Variants in ADD3 observed in about 807,000 individuals in gnomAD.
The protein encoded by ADD3 is adducin 3.
Under a neutral mutation model 80.2 loss-of-function variants are expected in ADD3, and 25 were observed. The ratio of observed to expected loss-of-function variants is 0.31; its 90% CI spans 0.23 to 0.44. The LOEUF is 0.44. ADD3 is among the 20% of genes least tolerant of loss of function. The pLI, the probability that ADD3 is intolerant of heterozygous loss-of-function variation, is 1.00. For synonymous variants in ADD3, 284 were observed against 289.6 expected (o/e 0.98, Z 0.20); for missense variants, 829 against 847.5 (o/e 0.98, Z 0.27).
At chr10:110,119,383 A>G (rs1851177924) in intron 7 of ADD3, 29 bp downstream of exon 7, 1 of 1,612,986 alleles carries the variant, frequency 6.2e-7, no homozygotes, top group African/African-American at 1.3e-5. Flanking sequence ...CTAAGGAGCT[A>G]TTTTTGTTGC....
intron 12 of ADD3, among the ~76,000 whole-genome samples, chr10:110,128,706 C>G (rs1852520538): frequency 6.6e-6 from 1 of 152,094 alleles, no homozygotes; most frequent in Non-Finnish European, 1.5e-5. Context: ...CGTGAGCCAC[C>G]ACGCCCAGCC....
chr10:110,040,486 T>C (rs1856175901), intron 1 of ADD3, among the ~76,000 whole-genome samples: 1 of 152,240 alleles, frequency 6.6e-6, no homozygotes, highest in African/African-American at 2.4e-5. Context: ...GAGTACTTAA[T>C]TGCATATTTA....
chr10:110,007,951 G>C (rs1325039332), upstream of ADD3: 1 of 150,858 alleles, frequency 6.6e-6, no homozygotes, highest in East Asian at 1.9e-4. Flanking sequence ...GCGGGACCAA[G>C]GGACGCTCGA....
At chr10:110,011,295 A>G (rs185665892) in intron 1 of ADD3, among the ~76,000 whole-genome samples, 2 of 152,352 alleles carry the variant, frequency 1.3e-5, no homozygotes. Flanking sequence ...CTAAATGCAA[A>G]GATGTAACTT....
At chr10:110,130,041 A>G (rs1278466978) in intron 12 of ADD3, among the ~76,000 whole-genome samples, 1 of 152,146 alleles carries the variant, frequency 6.6e-6, no homozygotes, top group Non-Finnish European at 1.5e-5. Flanking sequence ...AAATGGAGCA[A>G]TTCTTGTTTT....
intron 2 of ADD3, among the ~76,000 whole-genome samples, chr10:110,104,953 T>G (rs932963682): frequency 5.1e-4 from 78 of 152,190 alleles, no homozygotes; most frequent in African/African-American, 1.8e-3. Context: ...ATGAAAAAAT[T>G]CTGCCTATAT....
intron 1 of ADD3, among the ~76,000 whole-genome samples, chr10:110,027,076 C>T (rs1237102993): frequency 6.6e-6 from 1 of 152,122 alleles, no homozygotes; most frequent in African/African-American, 2.4e-5. Flanking sequence ...TAAATATGTT[C>T]ATGAAAGTAT....
chr10:110,007,814 A>G (rs1851788158), upstream of ADD3: 2 of 135,818 alleles, frequency 1.5e-5, no homozygotes, highest in African/African-American at 2.8e-5. Flanking sequence ...CGAGGTCTTG[A>G]GGAGGCGGGG....
intron 1 of ADD3, among the ~76,000 whole-genome samples, chr10:110,013,990 A>G (rs771751452): frequency 4.6e-4 from 70 of 152,252 alleles, no homozygotes; most frequent in Non-Finnish European, 1.8e-4. Context: ...ATCCTGAGCA[A>G]GGACAGCATT....
chr10:110,127,764 A>G (rs192166010), intron 12 of ADD3, among the ~76,000 whole-genome samples: 31 of 152,280 alleles, frequency 2.0e-4, no homozygotes, highest in African/African-American at 7.5e-4. Context: ...CATCTGGAGG[A>G]TTCCTGTGCT....
upstream of ADD3, among the ~76,000 whole-genome samples, chr10:110,002,422 C>G (rs551148872): frequency 1.3e-5 from 2 of 152,046 alleles, no homozygotes; most frequent in East Asian, 2.0e-4. Flanking sequence ...CACAGGCTCC[C>G]GCCCCCCACA....
intron 1 of ADD3, among the ~76,000 whole-genome samples, chr10:110,087,526 A>G (rs1846938488): frequency 1.3e-5 from 2 of 152,210 alleles, no homozygotes; most frequent in South Asian, 4.1e-4. Flanking sequence ...TGATGTGACA[A>G]GAATGTTCAT....
At chr10:110,093,750 T>C (rs888011869) in intron 1 of ADD3, among the ~76,000 whole-genome samples, 1 of 152,182 alleles carries the variant, frequency 6.6e-6, no homozygotes, top group African/African-American at 2.4e-5. Flanking sequence ...CCTAATACTC[T>C]TTGTCTTTAT....
At chr10:110,113,505 G>C (rs182388334) in intron 3 of ADD3, among the ~76,000 whole-genome samples, 2 of 152,146 alleles carry the variant, frequency 1.3e-5, no homozygotes, top group Non-Finnish European at 2.9e-5. Context: ...CTGACCTCAC[G>C]ATCTACCCAC....
At position 110,072,895 on chromosome 10, in the gene ADD3, C is replaced by G. The variant is rs1589988259; in HGVS notation, c.-29-27730C>G. Among the ~76,000 whole-genome samples the G allele has an allele frequency of 2.6e-5, 4 of 152,242 alleles. No individual in the cohort carries two copies. The South Asian group carries it at 8.3e-4, about 32-fold the overall frequency. On this transcript the variant is annotated intron_variant, in intron 1 of 14. Coordinates refer to ENST00000356080, the MANE Select transcript of ADD3 (RefSeq NM_016824.5). Reference sequence around the variant, plus strand: ...TCATGAAGCTTCCTCCTACATAGAACTCACACAACTCTTACACCTTGGCTT... The same window carrying G: ...TCATGAAGCTTCCTCCTACATAGAAGTCACACAACTCTTACACCTTGGCTT...
intron 2 of ADD3, 59 bp downstream of exon 2, chr10:110,100,907 G>A (rs754899382): frequency 2.7e-5 from 39 of 1,460,534 alleles, no homozygotes; most frequent in Non-Finnish European, 3.5e-5. Flanking sequence ...AGTATAATAA[G>A]GTAGAAGTTT....
chr10:110,119,494 T>C lies in ADD3; in HGVS notation c.890T>C (p.Val297Ala). The C allele has an allele frequency of 6.2e-7, 1 of 1,614,172 alleles. No individual in the cohort carries two copies. The highest frequency in any genetic ancestry group is 1.6e-4 in the Middle Eastern group (1 of 6,062). ...KVLVLRNHGV[V>A]ALGETLEEAF... ...CTGGTACTCAGGAATCATGGTGTGG[T>C]TGCACTTGGAGAAACATTAGAGGAG... Residue 297 changes from valine to alanine, a missense_variant, in exon 8 of 15, where the codon GTT becomes GCT. By Grantham distance (64) the Val-to-Ala change is moderately conservative (BLOSUM62 0). Transcript: ENST00000356080.
At chr10:110,087,122 A>C (rs1218287159) in intron 1 of ADD3, among the ~76,000 whole-genome samples, 1 of 151,968 alleles carries the variant, frequency 6.6e-6, no homozygotes, top group East Asian at 1.9e-4. Context: ...TCTGCCTCCC[A>C]GGTTCCAGCA....
At chr10:110,118,253 T>C (rs923849592) in intron 5 of ADD3, among the ~76,000 whole-genome samples, 2 of 152,234 alleles carry the variant, frequency 1.3e-5, no homozygotes, top group Non-Finnish European at 2.9e-5. Flanking sequence ...TAGCCAATTC[T>C]ATACATGCCA....
Sources: gnomAD v4.1 joint callset for allele counts (sites outside exome capture counted in the v4.1 genomes callset) on GRCh38, gnomAD v4.1.1 for gene constraint, MANE v1.5 for transcripts, NCBI Gene and HGNC (gene_info 2026-07-23, HGNC 2026-07-21) for gene names.